Variants in GOT2 observed in about 807,000 individuals in gnomAD.
GOT2 encodes the protein glutamic-oxaloacetic transaminase 2.
A neutral mutation model predicts 50.0 loss-of-function variants in GOT2; 17 were observed. The observed-to-expected ratio is 0.34, with a 90% confidence interval of 0.23 to 0.51. GOT2 has a LOEUF of 0.51. Among genes scored for constraint, GOT2 ranks in the 20% least tolerant of loss-of-function variants. The pLI is 0.97. For missense variants in GOT2, 430 were observed against 559.6 expected (o/e 0.77, Z 2.34); for synonymous variants, 172 against 204.9 (o/e 0.84, Z 1.37).
intron 3 of GOT2, among the ~76,000 whole-genome samples, chr16:58,721,147 C>T (rs1382679862): frequency 6.6e-6 from 1 of 152,116 alleles, no homozygotes; most frequent in Non-Finnish European, 1.5e-5. Flanking sequence ...CATGTGTGGA[C>T]TTAGACCAGT....
chr16:58,733,285 T>C (rs937340534), intron 1 of GOT2, among the ~76,000 whole-genome samples: 1 of 152,172 alleles, frequency 6.6e-6, no homozygotes, highest in Non-Finnish European at 1.5e-5. Context: ...ATTACGTTTG[T>C]CATTTTTTGA....
chr16:58,723,196 G>A (rs780573889), intron 2 of GOT2, among the ~76,000 whole-genome samples: 149 of 152,256 alleles, frequency 9.8e-4, no homozygotes, highest in Middle Eastern at 3.4e-3. Flanking sequence ...AATACTTGCT[G>A]AATAACTTAA....
chr16:58,712,317 G>C (rs6499970), intron 8 of GOT2, among the ~76,000 whole-genome samples: 8,455 of 152,226 alleles, frequency 0.056, 492 homozygotes, highest in African/African-American at 0.15. Flanking sequence ...TTTGAGACCA[G>C]CCTGGCCAAT....
chr16:58,733,959 C>A, intron 1 of GOT2, 181 bp downstream of exon 1: 1 of 400,462 alleles, frequency 2.5e-6, no homozygotes, highest in Non-Finnish European at 4.4e-6. Context: ...CTGTGGGGCA[C>A]GGACGCTCAA....
intron 1 of GOT2, among the ~76,000 whole-genome samples, chr16:58,729,437 G>A (rs773236607): frequency 6.6e-6 from 1 of 150,592 alleles, no homozygotes; most frequent in African/African-American, 2.5e-5. Flanking sequence ...TGAGGTGGGA[G>A]GGTCACTTAA....
Position 58,708,105 on chromosome 16 carries a change from T to C in GOT2, c.*66A>G. 1 of 1,521,898 alleles carries C rather than the reference T, an allele frequency of 6.6e-7. No homozygotes were observed. The highest frequency in any genetic ancestry group is 1.2e-5 in the South Asian group (1 of 83,758). 94.3% of individuals were successfully genotyped at this position (1,521,898 alleles called of 1,614,324 possible). On this transcript the variant is annotated 3_prime_UTR_variant, in exon 10 of 10. Transcript: ENST00000245206. ...ACCATCCACCCTCTCTCATTGTCTG[T>C]GTGAAGCTCTCAATAGCAGAGGCTG...
chr16:58,729,798 C>T (rs257618), intron 1 of GOT2, among the ~76,000 whole-genome samples: 76,917 of 151,708 alleles, frequency 0.51, 20,728 homozygotes, highest in Middle Eastern at 0.78. Flanking sequence ...AGAATGTCCC[C>T]GCAGGCCCAC....
At chr16:58,710,674 G>A (rs1270926234) in intron 8 of GOT2, among the ~76,000 whole-genome samples, 2 of 151,146 alleles carry the variant, frequency 1.3e-5, no homozygotes, top group African/African-American at 4.9e-5. Flanking sequence ...GAGGTCAGGA[G>A]ATCGAGACCA....
intron 8 of GOT2, among the ~76,000 whole-genome samples, chr16:58,710,653 G>A (rs1409620783): frequency 4.6e-5 from 7 of 151,616 alleles, no homozygotes; most frequent in African/African-American, 9.7e-5. Flanking sequence ...AGGCCCAGGC[G>A]GGCGGATCAC....
chr16:58,712,631 T>G (rs1439114412), intron 8 of GOT2, among the ~76,000 whole-genome samples: 2 of 152,164 alleles, frequency 1.3e-5, no homozygotes, highest in Non-Finnish European at 2.9e-5. Context: ...GGCATCTTTG[T>G]CTACTACAGA....
intron 8 of GOT2, among the ~76,000 whole-genome samples, chr16:58,713,428 C>T (rs1331632087): frequency 6.6e-6 from 1 of 151,984 alleles, no homozygotes; most frequent in Admixed American, 6.6e-5. Flanking sequence ...GACTTGAGCC[C>T]AGGAGTTTGA....
intron 1 of GOT2, among the ~76,000 whole-genome samples, chr16:58,727,061 T>C (rs972370101): frequency 1.3e-5 from 2 of 151,992 alleles, no homozygotes; most frequent in African/African-American, 2.4e-5. Flanking sequence ...GGCTGAGGCA[T>C]GAGAATCGCT....
Position 58,723,794 on chromosome 16 carries a change from G to A in GOT2, c.198C>T (p.Ala66=). Residue 66 remains alanine, a synonymous_variant, in exon 2 of 10, where the codon GCC becomes GCT. Transcript: ENST00000245206. ...AAGGCTTTCCATTATCATCCCGGTA[G>A]GCACCAACTCCCAGATTCATCTTTT... ...NSKKMNLGVG[A]YRDDNGKPYV... 6.2e-7 allele frequency: 1 copy of A among 1,612,796 alleles called. No homozygotes were observed. Among genetic ancestry groups the A allele is most frequent in the Non-Finnish European group, 8.5e-7 (1 of 1,178,842 alleles).
intron 7 of GOT2, 90 bp downstream of exon 7, chr16:58,716,573 C>T (rs2044695098): frequency 2.8e-6 from 3 of 1,068,330 alleles, no homozygotes; most frequent in South Asian, 2.9e-5. Context: ...CACACACACA[C>T]ACACACACAC....
rs747785290 is a variant in GOT2, at chr16:58,716,806, T to C, written c.710A>G (p.Asn237Ser). ...KEIATVVKKRNLFAFFDMAYQ... is the reference protein window; with the variant it reads ...KEIATVVKKRSLFAFFDMAYQ... ...GGCCATGTCAAAGAACGCAAAGAGA[T>C]TCCTTTTCTGAGAAGGAACGAAAGA... is the stretch of plus-strand genomic sequence containing the variant. Residue 237 changes from asparagine (N) to serine (S), a missense_variant, in exon 7 of 10, where the codon AAT (asparagine) becomes AGT (serine). Physicochemically the swap from Asn to Ser is conservative, Grantham distance 46. Transcript: ENST00000245206. 12 of 1,613,972 alleles carry C rather than the reference T, an allele frequency of 7.4e-6. No homozygotes were observed. The highest frequency in any genetic ancestry group is 1.3e-5 in the African/African-American group (1 of 74,940).
In GOT2 at chr16:58,716,188, C is replaced by A. The variant is rs145365934; in HGVS notation, c.854-9G>T. 1.2e-6 allele frequency: 2 copies of A among 1,609,536 alleles called. No individual in the cohort carries two copies. The highest frequency in any genetic ancestry group is 1.1e-5 in the South Asian group (1 of 90,144). On this transcript the variant is annotated splice_polypyrimidine_tract_variant and intron_variant, in intron 7 of 9. Transcript: ENST00000245206. ...GGCTCCTACACGCTCACCTGAAAGACAAAAATGGATCTCGTCTTCTACTTC... is the reference window on the plus strand; with the variant it reads ...GGCTCCTACACGCTCACCTGAAAGAAAAAAATGGATCTCGTCTTCTACTTC...
chr16:58,734,257 C>A lies in GOT2; in HGVS notation c.-29G>T, dbSNP rs370665986. 3.0e-4 allele frequency: 364 copies of A among 1,224,736 alleles called. 5 individuals carry two copies. The South Asian group carries it at 8.7e-3, about 29-fold the overall frequency. 75.9% of individuals were successfully genotyped at this position (1,224,736 alleles called of 1,614,324 possible). A position where few individuals can be genotyped will look rare whatever the true frequency, so the allele number is the denominator to read the frequency against. ...GGACCGTAGGAGGGCAGTGGGCAGC[C>A]GCAGGACGGAGCAGAGGGCGAGCGG... On this transcript the variant is annotated 5_prime_UTR_variant, in exon 1 of 10. Transcript: ENST00000245206.
chr16:58,717,823 T>C (rs574920264), intron 6 of GOT2, among the ~76,000 whole-genome samples: 18 of 152,112 alleles, frequency 1.2e-4, no homozygotes, highest in Non-Finnish European at 2.2e-4. Context: ...CCCAAGTAGC[T>C]AGGATTACAG....
intron 6 of GOT2, among the ~76,000 whole-genome samples, chr16:58,717,062 G>A (rs2044700889): frequency 6.6e-6 from 1 of 152,184 alleles, no homozygotes; most frequent in Non-Finnish European, 1.5e-5. Context: ...TTGCAGCTTA[G>A]ATTTGACAGA....
Sources: allele counts gnomAD v4.1 joint callset (sites outside exome capture counted in the v4.1 genomes callset), GRCh38; gene constraint gnomAD v4.1.1; transcripts MANE v1.5; gene names NCBI Gene and HGNC (gene_info 2026-07-23, HGNC 2026-07-21).